DLG2: variants seen among roughly 807,000 people sequenced by gnomAD.
The protein encoded by DLG2 is disks large homolog 2.
A neutral mutation model predicts 132.5 loss-of-function variants in DLG2; 45 were observed. That is an observed-to-expected ratio of 0.34 (90% CI 0.27 to 0.44). The LOEUF is 0.44. DLG2 is among the 20% of genes least tolerant of loss of function. DLG2 has a pLI of 1.00. For synonymous variants in DLG2, 424 were observed against 419.6 expected, an observed-to-expected ratio of 1.01 and a Z score of -0.13; for missense variants, 1,045 against 1,196.9, an observed-to-expected ratio of 0.87 and a Z score of 1.87.
intron 6 of DLG2, among the ~76,000 whole-genome samples, chr11:84,757,692 A>G (rs923447834): frequency 1.3e-5 from 2 of 151,172 alleles, no homozygotes; most frequent in African/African-American, 4.9e-5. Flanking sequence ...TTATTACACC[A>G]TTTAATAGAA....
chr11:84,247,040 C>T (rs1166956752), intron 8 of DLG2, among the ~76,000 whole-genome samples: 1 of 152,068 alleles, frequency 6.6e-6, no homozygotes, highest in Non-Finnish European at 1.5e-5. Context: ...AGATGGAAAA[C>T]TCATGATTCT....
chr11:84,221,207 T>G (rs1363000248), intron 8 of DLG2, among the ~76,000 whole-genome samples: 1 of 152,006 alleles, frequency 6.6e-6, no homozygotes, highest in African/African-American at 2.4e-5. Flanking sequence ...GCAGTGGGCC[T>G]GTAATCCCAG....
At chr11:84,688,989 G>C (rs1397063659) in intron 6 of DLG2, among the ~76,000 whole-genome samples, 1 of 152,164 alleles carries the variant, frequency 6.6e-6, no homozygotes, top group Admixed American at 6.5e-5. Context: ...TGTGGGAGAG[G>C]CCTTCCTTCA....
At chr11:85,078,851 T>A (rs755452695) in intron 6 of DLG2, among the ~76,000 whole-genome samples, 3 of 152,048 alleles carry the variant, frequency 2.0e-5, no homozygotes, top group Non-Finnish European at 4.4e-5. Flanking sequence ...AGAAACAAGA[T>A]CCTAAATAAA....
chr11:84,083,912 A>G (rs527350819), intron 10 of DLG2, among the ~76,000 whole-genome samples: 11 of 152,334 alleles, frequency 7.2e-5, no homozygotes, highest in African/African-American at 2.4e-4. Context: ...CTAAATAAAT[A>G]TAGTTAGCAT....
intron 9 of DLG2, among the ~76,000 whole-genome samples, chr11:84,109,522 T>C (rs2093210028): frequency 6.6e-6 from 1 of 152,218 alleles, no homozygotes; most frequent in Non-Finnish European, 1.5e-5. Context: ...TGTTAATTCT[T>C]AAGATCTGAT....
chr11:83,463,311 G>C (rs2090397325), intron 26 of DLG2, among the ~76,000 whole-genome samples: 1 of 151,596 alleles, frequency 6.6e-6, no homozygotes, highest in Non-Finnish European at 1.5e-5. Flanking sequence ...ATACAAAGTA[G>C]TGAGAATTTC....
At chr11:85,493,034 C>T (rs1012150540) in intron 3 of DLG2, among the ~76,000 whole-genome samples, 18 of 151,878 alleles carry the variant, frequency 1.2e-4, no homozygotes, top group Non-Finnish European at 2.4e-4. Context: ...ATTTTAAAAA[C>T]CATGGTTAAT....
chr11:85,595,239 C>T (rs956342422), intron 3 of DLG2, among the ~76,000 whole-genome samples: 2 of 151,896 alleles, frequency 1.3e-5, no homozygotes, highest in African/African-American at 4.8e-5. Flanking sequence ...ATTCCAATTC[C>T]ATCTAAATGT....
chr11:84,243,461 C>T (rs1376362683), intron 8 of DLG2, among the ~76,000 whole-genome samples: 1 of 152,146 alleles, frequency 6.6e-6, no homozygotes, highest in Non-Finnish European at 1.5e-5. Context: ...AAAATGGTAG[C>T]TATCTCAACT....
In DLG2 at chr11:84,985,509, G is replaced by A. The variant is rs115283906; in HGVS notation, c.357+126152C>T. On this transcript the variant is annotated intron_variant, in intron 6 of 27. Transcript: ENST00000376104. The stretch of plus-strand genomic sequence containing the variant: ...AAGAGGAAAATTCATAGCCCTAAAC[G>A]ACTACATCAAAAAGTCTGAAAGAGC... 9.4e-3 allele frequency among the ~76,000 whole-genome samples: 1,428 copies of A among 151,950 alleles called. 27 individuals carry two copies. The highest frequency in any genetic ancestry group is 0.033 in the African/African-American group (1,358 of 41,438).
intron 21 of DLG2, among the ~76,000 whole-genome samples, chr11:83,514,473 A>G (rs1054484329): frequency 2.0e-5 from 3 of 152,212 alleles, no homozygotes; most frequent in Non-Finnish European, 2.9e-5. Context: ...TGTCATCTGC[A>G]AACAGGCACA....
At chr11:84,828,445 T>C (rs1358889687) in intron 6 of DLG2, among the ~76,000 whole-genome samples, 3 of 151,682 alleles carry the variant, frequency 2.0e-5, no homozygotes, top group Admixed American at 6.6e-5. Flanking sequence ...GATGAGACAG[T>C]AGAAAGAAAT....
chr11:85,200,423 C>A (rs1423093268), intron 4 of DLG2, among the ~76,000 whole-genome samples: 1 of 152,100 alleles, frequency 6.6e-6, no homozygotes, highest in Non-Finnish European at 1.5e-5. Context: ...ACGGAAGAAT[C>A]CAGAAAGAGA....
intron 6 of DLG2, among the ~76,000 whole-genome samples, chr11:84,839,300 C>T (rs977153206): frequency 3.3e-5 from 5 of 152,016 alleles, no homozygotes; most frequent in African/African-American, 9.7e-5. Flanking sequence ...TGCGAAGGAC[C>T]TCTTCAAGGA....
At chr11:84,199,855 A>C (rs1354939014) in intron 8 of DLG2, among the ~76,000 whole-genome samples, 1 of 152,200 alleles carries the variant, frequency 6.6e-6, no homozygotes, top group Non-Finnish European at 1.5e-5. Flanking sequence ...TCAGAAAAGA[A>C]AAAGTGGGAA....
intron 7 of DLG2, among the ~76,000 whole-genome samples, chr11:84,433,440 A>C (rs1267863449): frequency 6.6e-6 from 1 of 152,220 alleles, no homozygotes; most frequent in Non-Finnish European, 1.5e-5. Flanking sequence ...CATACAAGTA[A>C]GATACTAACT....
At chr11:84,064,604 G>A (rs2096643324) in intron 10 of DLG2, among the ~76,000 whole-genome samples, 2 of 152,144 alleles carry the variant, frequency 1.3e-5, no homozygotes, top group South Asian at 2.1e-4. Flanking sequence ...AATACATAGC[G>A]TAGTCCCTGA....
At chr11:85,572,026 T>C (rs944280031) in intron 3 of DLG2, among the ~76,000 whole-genome samples, 1 of 152,190 alleles carries the variant, frequency 6.6e-6, no homozygotes, top group Non-Finnish European at 1.5e-5. Context: ...TTTTAATCCA[T>C]AAAACTCACT....
Sources: allele counts gnomAD v4.1 joint callset (sites outside exome capture counted in the v4.1 genomes callset), GRCh38; gene constraint gnomAD v4.1.1; transcripts MANE v1.5; gene names NCBI Gene and HGNC (gene_info 2026-07-23, HGNC 2026-07-21).